OR10S1: variants seen among roughly 807,000 people sequenced by gnomAD.
The protein encoded by OR10S1 is olfactory receptor family 10 subfamily S member 1.
For missense variants in OR10S1, 415 were observed against 407.9 expected (o/e 1.02, Z -0.15); for synonymous variants, 167 against 164.1 (o/e 1.02, Z -0.13).
exon 1 of OR10S1, chr11:123,977,347 A>T (rs1397488677): frequency 2.5e-6 from 4 of 1,614,142 alleles, no homozygotes; most frequent in Admixed American, 3.3e-5. Flanking sequence ...GGAAGCAATA[A>T]AGCTGTACGG....
rs745919384 is a variant in OR10S1, at chr11:123,976,813, T to TA, written c.851dup (p.Thr285AsnfsTer?). The TA allele has an allele frequency of 6.8e-6, 11 of 1,614,064 alleles. No homozygotes were observed. Among genetic ancestry groups the TA allele is most frequent in the Non-Finnish European group, 8.5e-6 (10 of 1,180,028 alleles). ...AAATGAATGGGTTGAGCATTGGAGTTACGATTGTGTAGAAGACAGCAGGGG... is the reference window on the plus strand; with the variant it reads ...AAATGAATGGGTTGAGCATTGGAGTTAACGATTGTGTAGAAGACAGCAGGGG... On this transcript the variant is annotated frameshift_variant, in exon 1 of 1. Transcript: ENST00000641123. LOFTEE classifies it low-confidence loss of function (END_TRUNC).
exon 1 of OR10S1, chr11:123,977,298 T>C (rs1408599787): frequency 2.5e-6 from 4 of 1,614,158 alleles, no homozygotes; most frequent in Non-Finnish European, 3.4e-6. Context: ...TCATAGGCCA[T>C]GACTGTGTAC....
exon 1 of OR10S1, chr11:123,977,302 T>C (rs758178466): frequency 5.6e-6 from 9 of 1,614,038 alleles, no homozygotes; most frequent in Non-Finnish European, 7.6e-6. Flanking sequence ...AGGCCATGAC[T>C]GTGTACAGGA....
At chr11:123,977,475 A>G in exon 1 of OR10S1, 1 of 1,614,132 alleles carries the variant, frequency 6.2e-7, no homozygotes, top group South Asian at 1.1e-5. Context: ...AGGAAGTGGT[A>G]CATGGGTAAG....
chr11:123,976,703 G>T (rs377386301), exon 1 of OR10S1: 6 of 1,607,936 alleles, frequency 3.7e-6, no homozygotes, highest in Non-Finnish European at 5.1e-6. Flanking sequence ...AGACTATGGG[G>T]GTGGGCTGCC....
rs1273139880 is a variant in OR10S1, at chr11:123,976,995, T to A, written c.670A>T (p.Ile224Phe). Residue 224 changes from isoleucine (I) to phenylalanine (F), a missense_variant, in exon 1 of 1, where the codon ATC (isoleucine) becomes TTC (phenylalanine). Physicochemically the swap from Ile to Phe is conservative, Grantham distance 21. Coordinates refer to ENST00000641123, the Ensembl canonical transcript of OR10S1. ...CGCAACACAGCTGCCACGATGAAGA[T>A]GTAGGAAATAACGATGAGGATGAGG... The A allele has an allele frequency of 1.9e-6, 3 of 1,614,002 alleles. No homozygotes were observed. In the South Asian group the frequency reaches 3.3e-5, roughly 18 times the overall value.
At chr11:123,977,318 T>G in exon 1 of OR10S1, 3 of 1,614,096 alleles carry the variant, frequency 1.9e-6, no homozygotes, top group Non-Finnish European at 2.5e-6. Flanking sequence ...CAGGAAGCAC[T>G]CAGTGCTGGC....
exon 1 of OR10S1, chr11:123,977,679 A>G (rs1249264633): frequency 6.3e-7 from 1 of 1,599,406 alleles, no homozygotes; most frequent in East Asian, 2.2e-5. Flanking sequence ...TCACACACAG[A>G]GCGGCTAGTC....
At chr11:123,976,989 T>A in exon 1 of OR10S1, 1 of 1,613,938 alleles carries the variant, frequency 6.2e-7, no homozygotes, top group Non-Finnish European at 8.5e-7. Flanking sequence ...GCTGCCACGA[T>A]GAAGATGTAG....
Position 123,976,979 on chromosome 11 carries a change from G to A in OR10S1, c.686C>T (p.Ala229Val), listed in dbSNP as rs750802936. 1.9e-6 allele frequency: 3 copies of A among 1,614,010 alleles called. No homozygotes were observed. The highest frequency in any genetic ancestry group is 1.6e-4 in the Middle Eastern group (1 of 6,062). Residue 229 changes from alanine (A) to valine (V), a missense_variant, in exon 1 of 1, where the codon GCT (alanine) becomes GTT (valine). By Grantham distance (64) the Ala-to-Val change is moderately conservative (BLOSUM62 0). Coordinates refer to ENST00000641123, the Ensembl canonical transcript of OR10S1. ...CTGGGCTGTGCGGATGCGCAACACAGCTGCCACGATGAAGATGTAGGAAAT... is the reference window on the plus strand; with the variant it reads ...CTGGGCTGTGCGGATGCGCAACACAACTGCCACGATGAAGATGTAGGAAAT...
In OR10S1 at chr11:123,977,760, A is replaced by T. The variant is rs1591454669; in HGVS notation, c.-96T>A. The T allele has an allele frequency of 3.6e-6, 5 of 1,379,164 alleles. No individual in the cohort carries two copies. In the South Asian group the frequency reaches 6.4e-5, roughly 18 times the overall value. 85.4% of individuals were successfully genotyped at this position (1,379,164 alleles called of 1,614,324 possible). On this transcript the variant is annotated 5_prime_UTR_variant, in exon 1 of 1. The change abolishes an upstream ATG in the 5' untranslated region. Coordinates refer to ENST00000641123, the Ensembl canonical transcript of OR10S1. ...TCCCTTTCCTGAGATGTCATTATCCATCAAGCCACACCACCTTGGTCTTAC... is the reference window on the plus strand; with the variant it reads ...TCCCTTTCCTGAGATGTCATTATCCTTCAAGCCACACCACCTTGGTCTTAC...
At chr11:123,976,869 G>T (rs1327391703) in exon 1 of OR10S1, 1 of 1,614,184 alleles carries the variant, frequency 6.2e-7, no homozygotes, top group Non-Finnish European at 8.5e-7. Context: ...GAGCGAGGCT[G>T]CAGGTAGATA....
rs761125602 is a variant in OR10S1 at position 123,977,144 on chromosome 11, CA to C, written c.520del (p.Cys174ValfsTer17). On this transcript the variant is annotated frameshift_variant, in exon 1 of 1. Transcript: ENST00000641123. LOFTEE classifies it low-confidence loss of function (END_TRUNC). ...GAAGTAGGCAATGTGGCAAGGCCCA[CA>C]GTAGAGCAGGCGGAAGGTGAGGGAG... 6.2e-7 allele frequency: 1 copy of C among 1,614,104 alleles called. No homozygotes were observed. Among genetic ancestry groups the C allele is most frequent in the African/African-American group, 1.3e-5 (1 of 74,942 alleles).
chr11:123,977,078 T>C (rs758738592), exon 1 of OR10S1: 1 of 1,614,066 alleles, frequency 6.2e-7, no homozygotes, highest in African/African-American at 1.3e-5. Flanking sequence ...AATGGTGGTG[T>C]CTGTACAGGC....
At chr11:123,977,540 G>A (rs1280162025) in exon 1 of OR10S1, 4 of 1,614,012 alleles carry the variant, frequency 2.5e-6, no homozygotes, top group Non-Finnish European at 3.4e-6. Flanking sequence ...CCCAGCCACA[G>A]TGATGCTGTA....
chr11:123,976,927 G>A (rs749577733), exon 1 of OR10S1: 1 of 1,613,926 alleles, frequency 6.2e-7, no homozygotes, highest in African/African-American at 1.3e-5. Flanking sequence ...GCTGGGCAGT[G>A]CAGGGGGAGA....
At chr11:123,976,816 G>C (rs757147881) in exon 1 of OR10S1, 2 of 1,614,196 alleles carry the variant, frequency 1.2e-6, no homozygotes, top group East Asian at 2.2e-5. Context: ...TTGGAGTTAC[G>C]ATTGTGTAGA....
At chr11:123,977,244 T>C in exon 1 of OR10S1, 1 of 1,614,182 alleles carries the variant, frequency 6.2e-7, no homozygotes, top group African/African-American at 1.3e-5. Context: ...CTTCTGTTCA[T>C]GGCCACTGGG....
chr11:123,977,155 G>A (rs766680830), exon 1 of OR10S1: 3 of 1,614,110 alleles, frequency 1.9e-6, no homozygotes, highest in African/African-American at 1.3e-5. Context: ...AGTAGAGCAG[G>A]CGGAAGGTGA....
Sources: gnomAD v4.1 joint callset for allele counts on GRCh38, gnomAD v4.1.1 for gene constraint, MANE v1.5 for transcripts, NCBI Gene and HGNC (gene_info 2026-07-23, HGNC 2026-07-21) for gene names.